SHQ1: variants seen among roughly 807,000 people sequenced by gnomAD.
The protein encoded by SHQ1 is protein SHQ1 homolog.
SHQ1 carries 49 observed loss-of-function variants against 53.8 expected under a neutral mutation model. The ratio of observed to expected loss-of-function variants is 0.91; its 90% CI spans 0.72 to 1.16. The LOEUF (loss-of-function observed/expected upper bound fraction) is 1.16. SHQ1 is among the 50% of genes most tolerant of loss of function. SHQ1 has a pLI of 0.00. For synonymous variants in SHQ1, 243 were observed against 251.0 expected (o/e 0.97, Z 0.30); for missense variants, 738 against 683.1 (o/e 1.08, Z -0.90).
intron 9 of SHQ1, among the ~76,000 whole-genome samples, chr3:72,805,790 C>T (rs1051480172): frequency 6.6e-6 from 1 of 152,054 alleles, no homozygotes; most frequent in East Asian, 1.9e-4. Context: ...ATTTTTGAAG[C>T]CAAATAACCA....
At chr3:72,770,363 C>A (rs1705821832) in intron 10 of SHQ1, among the ~76,000 whole-genome samples, 1 of 152,190 alleles carries the variant, frequency 6.6e-6, no homozygotes, top group South Asian at 2.1e-4. Flanking sequence ...TACTCTATGG[C>A]CTCACTACAT....
At chr3:72,836,698 G>A (rs145068449) in intron 4 of SHQ1, among the ~76,000 whole-genome samples, 58 of 152,230 alleles carry the variant, frequency 3.8e-4, no homozygotes, top group Middle Eastern at 3.4e-3. Flanking sequence ...CAAACTAAAA[G>A]CAAAGGTAGC....
At chr3:72,732,921 G>T in the SHQ1 span, among the ~76,000 whole-genome samples, 34 of 151,870 alleles carry the variant, frequency 2.2e-4, no homozygotes, top group Admixed American at 1.3e-3. Flanking sequence ...ACAGATGGGT[G>T]CTGGGTTTGT....
At chr3:72,822,523 C>T (rs1386641146) in intron 6 of SHQ1, among the ~76,000 whole-genome samples, 1 of 152,118 alleles carries the variant, frequency 6.6e-6, no homozygotes, top group Non-Finnish European at 1.5e-5. Context: ...TCAAAGGGAA[C>T]GCCTTCTCTT....
chr3:72,790,937 A>G (rs1706413471), intron 10 of SHQ1, among the ~76,000 whole-genome samples: 1 of 152,200 alleles, frequency 6.6e-6, no homozygotes, highest in East Asian at 1.9e-4. Flanking sequence ...TATTAGCACA[A>G]CAATTACAAA....
the SHQ1 span, among the ~76,000 whole-genome samples, chr3:72,732,384 G>GCCTTCCTTCCTTCCTTCCTTCCTT: frequency 8.2e-4 from 71 of 87,004 alleles, no homozygotes; most frequent in East Asian, 1.7e-3. Context: ...CTGCCTGCCT[G>GCCTTCCTTCCTTCCTTCCTTCCTT]CCTGCCTTCC....
downstream of SHQ1, among the ~76,000 whole-genome samples, chr3:72,746,704 A>T (rs141384868): frequency 3.0e-3 from 450 of 152,332 alleles, 6 homozygotes; most frequent in African/African-American, 0.01. Flanking sequence ...TTTTCTACCC[A>T]AGACAAGTCT....
At chr3:72,752,941 G>A in intron 10 of SHQ1, 1 of 979,320 alleles carries the variant, frequency 1.0e-6, no homozygotes, top group Non-Finnish European at 1.2e-6. Context: ...GGGATTACAG[G>A]CGTGAGCCAC....
rs755639554 is a variant in SHQ1, at chr3:72,832,371, A to G, written c.597T>C (p.Tyr199=). ...AELAKFDPDH[Y]LADFFEDEAI... ...TCCTCAAAAATCTCATTACTCACAGATAATGATCAGGATCAAACTTGGCCA... is the reference window on the plus strand; with the variant it reads ...TCCTCAAAAATCTCATTACTCACAGGTAATGATCAGGATCAAACTTGGCCA... Residue 199 remains tyrosine, a splice_region_variant and synonymous_variant, in exon 5 of 11, where the codon TAT becomes TAC. Transcript: ENST00000325599. 3.7e-6 allele frequency: 6 copies of G among 1,601,634 alleles called. No individual in the cohort carries two copies. Among genetic ancestry groups the G allele is most frequent in the Non-Finnish European group, 3.4e-6 (4 of 1,171,010 alleles).
chr3:72,813,830 CTTTTTTTTTT>C (rs931930903), intron 8 of SHQ1, among the ~76,000 whole-genome samples: 2 of 108,204 alleles, frequency 1.8e-5, no homozygotes, highest in African/African-American at 6.9e-5. Context: ...TCCTCTTTTT[CTTTTTTTTTT>C]TTTTTTTGCA....
intron 10 of SHQ1, among the ~76,000 whole-genome samples, chr3:72,779,058 A>G (rs1231895529): frequency 6.6e-6 from 1 of 152,168 alleles, no homozygotes; most frequent in Non-Finnish European, 1.5e-5. Context: ...GTCATCTCCC[A>G]TCATATGCTG....
At chr3:72,777,747 G>A (rs1379720986) in intron 10 of SHQ1, among the ~76,000 whole-genome samples, 1 of 152,150 alleles carries the variant, frequency 6.6e-6, no homozygotes, top group African/African-American at 2.4e-5. Context: ...CATGAAACAC[G>A]TATAGTGATA....
intron 5 of SHQ1, 73 bp downstream of exon 5, chr3:72,832,296 T>C: frequency 9.0e-7 from 1 of 1,115,348 alleles, no homozygotes; most frequent in Non-Finnish European, 1.4e-6. Flanking sequence ...CCTAGCAGAG[T>C]TTAAAAGACA....
At chr3:72,766,415 T>C (rs1705732222) in intron 10 of SHQ1, among the ~76,000 whole-genome samples, 1 of 152,194 alleles carries the variant, frequency 6.6e-6, no homozygotes, top group Non-Finnish European at 1.5e-5. Flanking sequence ...AAGTTCATAC[T>C]ACACCACTGC....
intron 10 of SHQ1, among the ~76,000 whole-genome samples, chr3:72,764,056 A>G (rs542726081): frequency 9.0e-4 from 137 of 152,112 alleles, no homozygotes; most frequent in Non-Finnish European, 1.7e-3. Flanking sequence ...CAAGGCACAG[A>G]AAAGTTTTCT....
At chr3:72,787,321 C>T (rs1412601880) in intron 10 of SHQ1, among the ~76,000 whole-genome samples, 1 of 152,192 alleles carries the variant, frequency 6.6e-6, no homozygotes, top group Non-Finnish European at 1.5e-5. Flanking sequence ...AAAAACTATA[C>T]TAGAGAGGAA....
chr3:72,775,350 C>T (rs919743713), intron 10 of SHQ1, among the ~76,000 whole-genome samples: 1 of 151,800 alleles, frequency 6.6e-6, no homozygotes, highest in South Asian at 2.1e-4. Context: ...AAAAATAAAA[C>T]CTATCAAAAC....
At chr3:72,793,247 C>T (rs1392709480) in intron 9 of SHQ1, 1 of 390,922 alleles carries the variant, frequency 2.6e-6, no homozygotes, top group South Asian at 3.3e-5. Context: ...GTGGCTCACA[C>T]CTGTAATTCC....
intron 3 of SHQ1, 113 bp from the exon 4 acceptor site, chr3:72,841,312 T>A: frequency 1.3e-6 from 1 of 767,720 alleles, no homozygotes. Flanking sequence ...ATATACCAAA[T>A]GTACTAAAAG....
Sources: allele counts gnomAD v4.1 joint callset (sites outside exome capture counted in the v4.1 genomes callset), GRCh38; gene constraint gnomAD v4.1.1; transcripts MANE v1.5; gene names NCBI Gene and HGNC (gene_info 2026-07-23, HGNC 2026-07-21).